Variants in DPYSL5 observed in about 807,000 individuals in gnomAD.
The protein encoded by DPYSL5 is dihydropyrimidinase like 5.
A neutral mutation model predicts 58.4 loss-of-function variants in DPYSL5; 9 were observed. The ratio of observed to expected loss-of-function variants is 0.15; its 90% CI spans 0.09 to 0.27. DPYSL5 has a LOEUF of 0.27. DPYSL5 is among the 10% of genes least tolerant of loss of function. The pLI is 1.00. For synonymous variants in DPYSL5, 293 were observed against 301.9 expected (o/e 0.97, Z 0.31); for missense variants, 499 against 770.6 (o/e 0.65, Z 4.17).
intron 12 of DPYSL5, among the ~76,000 whole-genome samples, chr2:26,946,348 T>C (rs1665484035): frequency 6.6e-6 from 1 of 152,054 alleles, no homozygotes; most frequent in Non-Finnish European, 1.5e-5. Context: ...GGCTGAAGAA[T>C]GTCCCACTGG....
chr2:26,917,901 C>T (rs935348604), intron 2 of DPYSL5, among the ~76,000 whole-genome samples: 8 of 151,938 alleles, frequency 5.3e-5, no homozygotes, highest in Admixed American at 5.2e-4. Flanking sequence ...TTTGAAAGGC[C>T]GAGGCAGACA....
intron 1 of DPYSL5, among the ~76,000 whole-genome samples, chr2:26,879,394 G>A (rs1304660768): frequency 2.7e-5 from 4 of 150,336 alleles, no homozygotes; most frequent in African/African-American, 9.9e-5. Flanking sequence ...CCTGAGGTGG[G>A]CAGATCACTT....
At chr2:26,930,987 A>T (rs1310838065) in intron 5 of DPYSL5, among the ~76,000 whole-genome samples, 2 of 149,570 alleles carry the variant, frequency 1.3e-5, no homozygotes, top group Non-Finnish European at 3.0e-5. Flanking sequence ...AAAAAAAAAA[A>T]AATTAGCCAA....
intron 2 of DPYSL5, among the ~76,000 whole-genome samples, chr2:26,908,165 A>G (rs564048158): frequency 6.6e-6 from 1 of 152,374 alleles, no homozygotes; most frequent in South Asian, 2.1e-4. Context: ...TAAATAGATC[A>G]TGTTGATCAA....
intron 1 of DPYSL5, among the ~76,000 whole-genome samples, chr2:26,878,726 C>G (rs541812489): frequency 6.6e-6 from 1 of 152,344 alleles, no homozygotes; most frequent in Non-Finnish European, 1.5e-5. Context: ...TCTTGGCACG[C>G]CATGTCCCAC....
intron 1 of DPYSL5, among the ~76,000 whole-genome samples, chr2:26,864,821 G>A (rs1296714306): frequency 6.6e-6 from 1 of 152,086 alleles, no homozygotes; most frequent in Non-Finnish European, 1.5e-5. Flanking sequence ...AAGGTGGCCG[G>A]GGTCAACTAA....
At chr2:26,912,744 T>C (rs1664473545) in intron 2 of DPYSL5, among the ~76,000 whole-genome samples, 2 of 152,246 alleles carry the variant, frequency 1.3e-5, no homozygotes, top group Non-Finnish European at 2.9e-5. Flanking sequence ...AAGATAATCA[T>C]TCTGGATTAG....
rs1665338059 is a variant in DPYSL5, at chr2:26,942,101, T to C, written c.1232+9T>C. 6.2e-7 allele frequency: 1 copy of C among 1,613,988 alleles called. No individual in the cohort carries two copies. Among genetic ancestry groups the C allele is most frequent in the Non-Finnish European group, 8.5e-7 (1 of 1,180,010 alleles). On this transcript the variant is annotated intron_variant, in intron 10 of 12. Transcript: ENST00000288699. The surrounding 1 kb of genome is among the most constrained non-coding windows in gnomAD (Gnocchi z 5.9). ...GACCCAGAAGCCACAAAGTAAAGTTTGTTGCTCGTCCCCAGGGCTAGAGGG... is the reference window on the plus strand; with the variant it reads ...GACCCAGAAGCCACAAAGTAAAGTTCGTTGCTCGTCCCCAGGGCTAGAGGG...
chr2:26,896,960 T>C (rs1664038114), intron 1 of DPYSL5, among the ~76,000 whole-genome samples: 1 of 152,228 alleles, frequency 6.6e-6, no homozygotes. Flanking sequence ...TATTTCACTT[T>C]TTCTGGTGAC....
intron 1 of DPYSL5, among the ~76,000 whole-genome samples, chr2:26,869,847 T>TA (rs1204870801): frequency 2.0e-5 from 3 of 151,998 alleles, no homozygotes; most frequent in African/African-American, 7.3e-5. Flanking sequence ...CCGTCTCTAC[T>TA]AAAAATACAA....
intron 1 of DPYSL5, among the ~76,000 whole-genome samples, chr2:26,893,788 G>A (rs1043196252): frequency 1.3e-5 from 2 of 152,152 alleles, no homozygotes; most frequent in Non-Finnish European, 2.9e-5. Context: ...AAGGCACAAA[G>A]AGAGTCAGAG....
intron 1 of DPYSL5, among the ~76,000 whole-genome samples, chr2:26,885,585 C>A (rs913722387): frequency 6.6e-6 from 1 of 152,188 alleles, no homozygotes; most frequent in Non-Finnish European, 1.5e-5. Flanking sequence ...CATTCAGAGA[C>A]CTCCTCACTA....
chr2:26,942,797 G>A lies in DPYSL5; in HGVS notation c.1440+47G>A, dbSNP rs754204274. 1.3e-5 allele frequency: 20 copies of A among 1,588,294 alleles called. No individual in the cohort carries two copies. Among genetic ancestry groups the A allele is most frequent in the Admixed American group, 8.4e-5 (5 of 59,584 alleles). ...GCAGGGGTGTTGGCGCCCCCTGCCG[G>A]GGAACATCCTCCATGACTGTTTTAA... is the stretch of plus-strand genomic sequence containing the variant. On this transcript the variant is annotated intron_variant, in intron 11 of 12. Coordinates refer to ENST00000288699, the MANE Select transcript of DPYSL5 (RefSeq NM_020134.4). The surrounding 1 kb of genome is among the most constrained non-coding windows in gnomAD (Gnocchi z 5.9).
chr2:26,901,355 T>A (rs1446737197), intron 2 of DPYSL5, among the ~76,000 whole-genome samples: 1 of 152,104 alleles, frequency 6.6e-6, no homozygotes, highest in Non-Finnish European at 1.5e-5. Context: ...CATTAGTAGA[T>A]CCTGCCCAGA....
intron 1 of DPYSL5, among the ~76,000 whole-genome samples, chr2:26,890,550 A>G (rs558623094): frequency 2.6e-5 from 4 of 152,228 alleles, no homozygotes; most frequent in South Asian, 4.1e-4. Flanking sequence ...ATTCAGCACA[A>G]TTGGGCCTGG....
intron 9 of DPYSL5, among the ~76,000 whole-genome samples, chr2:26,941,085 C>T (rs865786705): frequency 1.3e-5 from 2 of 151,890 alleles, no homozygotes; most frequent in Non-Finnish European, 2.9e-5. Context: ...TACAGGCGTG[C>T]GCCACTATGC....
chr2:26,859,481 T>C (rs180918665), intron 1 of DPYSL5, among the ~76,000 whole-genome samples: 20 of 152,310 alleles, frequency 1.3e-4, no homozygotes, highest in African/African-American at 4.3e-4. Flanking sequence ...CTTCACAAAG[T>C]TTCCTGATCA....
At position 26,932,048 on chromosome 2, in the gene DPYSL5, G is replaced by GAAAGAAA. The variant is rs1377724551; in HGVS notation, c.714+364_714+365insAAAGAAA. ...AAAGAAAGAAAAGAAAAGAAAGAAA[G>GAAAGAAA]GAAAGAAAGAAAGAAAGAAAGAAAG... On this transcript the variant is annotated intron_variant, in intron 6 of 12. Coordinates refer to ENST00000288699, the MANE Select transcript of DPYSL5 (RefSeq NM_020134.4). Among the ~76,000 whole-genome samples, 5 of 47,634 alleles carry GAAAGAAA rather than the reference G, an allele frequency of 1.0e-4. 1 individual carries two copies. Among genetic ancestry groups the GAAAGAAA allele is most frequent in the Middle Eastern group, 0.021 (2 of 94 alleles). 31.2% of individuals were successfully genotyped at this position (47,634 alleles called of 152,430 possible).
intron 1 of DPYSL5, among the ~76,000 whole-genome samples, chr2:26,870,373 T>C (rs1663229542): frequency 6.6e-6 from 1 of 152,224 alleles, no homozygotes; most frequent in Non-Finnish European, 1.5e-5. Context: ...CTAACTTCCA[T>C]GATGAATTGT....
Sources: gnomAD v4.1 joint callset for allele counts (sites outside exome capture counted in the v4.1 genomes callset) on GRCh38, gnomAD v4.1.1 for gene constraint, Gnocchi (gnomAD v3.1) non-coding constraint, MANE v1.5 for transcripts, NCBI Gene and HGNC (gene_info 2026-07-23, HGNC 2026-07-21) for gene names.